Variants in TSC22D2 observed in about 807,000 individuals in gnomAD.
TSC22D2 encodes the protein TSC22 domain family member 2.
Under a neutral mutation model 50.1 loss-of-function variants are expected in TSC22D2, and 5 were observed. The observed-to-expected ratio is 0.10, with a 90% CI of 0.05 to 0.21. The LOEUF (loss-of-function observed/expected upper bound fraction) is 0.21, where lower values mean the gene tolerates loss of function less well. TSC22D2 is among the 10% of genes least tolerant of loss of function. The probability of loss-of-function intolerance (pLI) is 1.00; values close to 1 mark genes in which losing one functional copy is unlikely to be tolerated. For missense variants in TSC22D2, 1,003 were observed against 1,015.5 expected, an observed-to-expected ratio of 0.99 and a Z score of 0.17; for synonymous variants, 501 against 450.1, an observed-to-expected ratio of 1.11 and a Z score of -1.43.
At chr3:150,413,158 T>C (rs974268346) in intron 1 of TSC22D2, among the ~76,000 whole-genome samples, 3 of 152,230 alleles carry the variant, frequency 2.0e-5, no homozygotes, top group African/African-American at 4.8e-5. Flanking sequence ...TGAAATGTAT[T>C]CTTTAGGGTA....
In TSC22D2 at chr3:150,458,613, C is replaced by A; in HGVS notation, c.2248C>A (p.Gln750Lys). 1 of 1,614,134 alleles carries A rather than the reference C, an allele frequency of 6.2e-7. No individual in the cohort carries two copies. The highest frequency in any genetic ancestry group is 8.5e-7 in the Non-Finnish European group (1 of 1,180,002). ...TCCGCAGCCAACGCAACCTCCACAGCAGCCGAATGTCTCCTCAGCATAAAG... is the reference window on the plus strand; with the variant it reads ...TCCGCAGCCAACGCAACCTCCACAGAAGCCGAATGTCTCCTCAGCATAAAG... ...QPPQPTQPPQ[Q>K]PNVSSA Residue 750 changes from glutamine (Q) to lysine (K), a missense_variant, in exon 3 of 3, where the codon CAG becomes AAG. By Grantham distance (53) the Gln-to-Lys change is moderately conservative (BLOSUM62 1). This residue lies in a region of TSC22D2 where 54 missense variants were observed against 51.4 expected (regional missense o/e 1.05). Transcript: ENST00000688009.
intron 1 of TSC22D2, among the ~76,000 whole-genome samples, chr3:150,445,881 GT>G (rs996132197): frequency 5.3e-5 from 8 of 151,984 alleles, no homozygotes; most frequent in African/African-American, 1.9e-4. Context: ...GGATGACAAG[GT>G]CAGGAGTTCG....
chr3:150,459,125 C>CT lies in TSC22D2; in HGVS notation c.*495dup, dbSNP rs1721293501. 1 of 152,464 alleles carries CT rather than the reference C, an allele frequency of 6.6e-6. No individual in the cohort carries two copies. Among genetic ancestry groups the CT allele is most frequent in the South Asian group, 2.1e-4 (1 of 4,834 alleles). 9.4% of individuals were successfully genotyped at this position (152,464 alleles called of 1,614,324 possible). A position where few individuals can be genotyped will look rare whatever the true frequency, so the allele number is the denominator to read the frequency against. ...AATGTACATGAACAATGTCACAGAA[C>CT]TTTTTTAATTTTTTTGAATAATTAT... On this transcript the variant is annotated 3_prime_UTR_variant, in exon 3 of 3. Transcript: ENST00000688009.
chr3:150,411,258 G>A lies in TSC22D2; in HGVS notation c.1908G>A (p.Leu636=), dbSNP rs1258161349. 1 of 1,614,160 alleles carries A rather than the reference G, an allele frequency of 6.2e-7. No individual in the cohort carries two copies. The highest frequency in any genetic ancestry group is 2.2e-5 in the East Asian group (1 of 44,894). Residue 636 remains leucine (L), a synonymous_variant, in exon 1 of 3, where the codon CTG becomes CTA. Coordinates refer to ENST00000688009, the MANE Select transcript of TSC22D2 (RefSeq NM_001303264.2). The part of the protein sequence containing the change: ...NPLQLTPMNS[L]ATSVFSIAIP... ...TTCAGTTAACACCTATGAACAGTCT[G>A]GCCACCTCTGTATTCAGCATAGCTA...
rs1721468845 is a variant in TSC22D2 at position 150,463,331 on chromosome 3, C to G, written c.*4695C>G. On this transcript the variant is annotated 3_prime_UTR_variant, in exon 3 of 3. Coordinates refer to ENST00000688009, the MANE Select transcript of TSC22D2 (RefSeq NM_001303264.2). Reference sequence around the variant, plus strand: ...TTTTATTCTTTGACATAGGTCAGTCCTGCAGGCTTCTTTTTTCTAAGTCTC... The same window carrying G: ...TTTTATTCTTTGACATAGGTCAGTCGTGCAGGCTTCTTTTTTCTAAGTCTC... 2.0e-5 allele frequency: 3 copies of G among 152,220 alleles called. No homozygotes were observed. In the South Asian group the frequency reaches 6.2e-4, roughly 32 times the overall value. The allele number at this position is 152,220 out of a possible 1,614,324, so 9.4% of individuals were successfully genotyped here.
chr3:150,423,286 A>G, intron 1 of TSC22D2: 1 of 444,598 alleles, frequency 2.2e-6, no homozygotes. Context: ...GACAATCTCT[A>G]TTTTATATAG....
intron 1 of TSC22D2, among the ~76,000 whole-genome samples, chr3:150,420,204 T>A (rs1719959204): frequency 6.6e-6 from 1 of 152,180 alleles, no homozygotes; most frequent in African/African-American, 2.4e-5. Flanking sequence ...ATGGCTCTTT[T>A]CCCTTCTACT....
chr3:150,442,299 G>T (rs1219040165), intron 1 of TSC22D2, among the ~76,000 whole-genome samples: 1 of 152,032 alleles, frequency 6.6e-6, no homozygotes, highest in East Asian at 1.9e-4. Context: ...TGCACTAATT[G>T]TAAACTCACA....
Position 150,458,509 on chromosome 3 carries a change from A to G in TSC22D2, c.2144A>G (p.Asn715Ser), listed in dbSNP as rs749607073. The change falls in exon 3 of 3, where the codon AAT (asparagine) becomes AGT (serine). Residue 715 changes from asparagine (N) to serine (S), a missense_variant. Physicochemically the swap from Asn to Ser is conservative, Grantham distance 46. This residue lies in a region of TSC22D2 where 54 missense variants were observed against 51.4 expected (regional missense o/e 1.05). Coordinates refer to ENST00000688009, the MANE Select transcript of TSC22D2 (RefSeq NM_001303264.2). ...GCACTGTTAAAATCTCTTTCAAGCA[A>G]TGATCAATTATCCCAACTCCCAACC... The part of the protein sequence containing the change: ...ENALLKSLSS[N>S]DQLSQLPTQQ... 5.8e-5 allele frequency: 93 copies of G among 1,614,068 alleles called. No individual in the cohort carries two copies. Among genetic ancestry groups the G allele is most frequent in the Middle Eastern group, 1.6e-4 (1 of 6,084 alleles).
intron 1 of TSC22D2, among the ~76,000 whole-genome samples, chr3:150,454,893 C>G (rs1721140670): frequency 6.6e-6 from 1 of 152,010 alleles, no homozygotes; most frequent in African/African-American, 2.4e-5. Context: ...GGTCAGCATT[C>G]AAAGAATAGC....
chr3:150,441,508 C>T (rs1376821079), intron 1 of TSC22D2, among the ~76,000 whole-genome samples: 1 of 151,964 alleles, frequency 6.6e-6, no homozygotes, highest in East Asian at 1.9e-4. Context: ...GTCTATAATC[C>T]CAGCACTTTA....
At chr3:150,457,627 C>T (rs955494759) in intron 2 of TSC22D2, among the ~76,000 whole-genome samples, 17 of 152,026 alleles carry the variant, frequency 1.1e-4, no homozygotes, top group African/African-American at 4.1e-4. Flanking sequence ...CCCGTCTCTA[C>T]AAAAAAAGTT....
At chr3:150,432,376 G>A (rs967355149) in intron 1 of TSC22D2, among the ~76,000 whole-genome samples, 2 of 151,878 alleles carry the variant, frequency 1.3e-5, no homozygotes, top group South Asian at 2.1e-4. Flanking sequence ...TTTTGAAAAA[G>A]GTGGGAATAG....
At chr3:150,412,450 C>T (rs1252737103) in intron 1 of TSC22D2, among the ~76,000 whole-genome samples, 1 of 152,164 alleles carries the variant, frequency 6.6e-6, no homozygotes, top group Admixed American at 6.5e-5. Context: ...AAAGCTTTCT[C>T]TTCCTATGGT....
intron 1 of TSC22D2, among the ~76,000 whole-genome samples, chr3:150,432,514 A>G (rs1173496156): frequency 2.0e-5 from 3 of 151,568 alleles, no homozygotes; most frequent in East Asian, 1.9e-4. Context: ...ATGTTTGTAC[A>G]TGTGAACTAA....
chr3:150,426,803 A>G (rs1156576867), intron 1 of TSC22D2, among the ~76,000 whole-genome samples: 2 of 152,168 alleles, frequency 1.3e-5, no homozygotes, highest in Admixed American at 1.3e-4. Flanking sequence ...TAGTAAGTTT[A>G]TCCTAAATTT....
intron 1 of TSC22D2, among the ~76,000 whole-genome samples, chr3:150,430,011 A>G (rs1175854277): frequency 6.6e-6 from 1 of 152,204 alleles, no homozygotes; most frequent in East Asian, 1.9e-4. Context: ...AGAAGAAACA[A>G]TAAGATTTAG....
At chr3:150,448,876 GTATATA>G (rs34210756) in intron 1 of TSC22D2, among the ~76,000 whole-genome samples, 2 of 146,874 alleles carry the variant, frequency 1.4e-5, no homozygotes, top group African/African-American at 2.5e-5. Context: ...TTTTAATCTT[GTATATA>G]TATATATATA....
At chr3:150,425,084 AAAATATT>A (rs1351948291) in intron 1 of TSC22D2, among the ~76,000 whole-genome samples, 3 of 152,236 alleles carry the variant, frequency 2.0e-5, no homozygotes, top group Non-Finnish European at 4.4e-5. Context: ...TAAGCTTTAA[AAAATATT>A]AAATATAACT....
Sources: gnomAD v4.1 joint callset for allele counts (sites outside exome capture counted in the v4.1 genomes callset) on GRCh38, gnomAD v4.1.1 for gene constraint, gnomAD v4.1.1 regional missense constraint, MANE v1.5 for transcripts, NCBI Gene and HGNC (gene_info 2026-07-23, HGNC 2026-07-21) for gene names.